IGHMBP2: variants seen among roughly 807,000 people sequenced by gnomAD.
IGHMBP2 encodes DNA-binding protein SMUBP-2.
IGHMBP2 carries 81 observed loss-of-function variants against 96.0 expected under a neutral mutation model. The ratio of observed to expected loss-of-function variants is 0.84; its 90% CI spans 0.71 to 1.01. IGHMBP2 has a LOEUF of 1.01. IGHMBP2 is among the 50% of genes least tolerant of loss of function. IGHMBP2 has a pLI of 0.00. For synonymous variants in IGHMBP2, 557 were observed against 548.9 expected (o/e 1.01, Z -0.21); for missense variants, 1,227 against 1,306.3 (o/e 0.94, Z 0.94).
intron 8 of IGHMBP2, chr11:68,933,009 G>GT: frequency 1.9e-6 from 1 of 520,142 alleles, no homozygotes; most frequent in Non-Finnish European, 3.5e-6. Flanking sequence ...AGACCCTTGG[G>GT]TTATCACCTG....
At chr11:68,912,429 C>A (rs932816813) in intron 5 of IGHMBP2, among the ~76,000 whole-genome samples, 2 of 152,040 alleles carry the variant, frequency 1.3e-5, no homozygotes, top group Admixed American at 1.3e-4. Context: ...TGTGCCCGGC[C>A]CAGTTACATT....
Position 68,911,532 on chromosome 11 carries a change from G to C in IGHMBP2, c.640G>C (p.Gly214Arg). ...TCAGAAAGAACTTGCCATCATCCATGGACCTCCTGGCACTGGGAAAACCAC... is the reference window on the plus strand; with the variant it reads ...TCAGAAAGAACTTGCCATCATCCATCGACCTCCTGGCACTGGGAAAACCAC... ...LSQKELAIIHGPPGTGKTTTV... is the reference protein window; with the variant it reads ...LSQKELAIIHRPPGTGKTTTV... The change falls in exon 5 of 15, where the codon GGA (glycine) becomes CGA (arginine). Residue 214 changes from glycine (G) to arginine (R), a missense_variant. Physicochemically the swap from Gly to Arg is moderately radical, Grantham distance 125 (BLOSUM62 -2). Coordinates refer to ENST00000255078, the MANE Select transcript of IGHMBP2 (RefSeq NM_002180.3). 2 of 1,614,072 alleles carry C rather than the reference G, an allele frequency of 1.2e-6. No homozygotes were observed. The highest frequency in any genetic ancestry group is 1.7e-6 in the Non-Finnish European group (2 of 1,179,918).
chr11:68,906,841 C>T (rs1317424578), intron 2 of IGHMBP2, among the ~76,000 whole-genome samples: 1 of 152,016 alleles, frequency 6.6e-6, no homozygotes, highest in Non-Finnish European at 1.5e-5. Context: ...GGGGTTTCTC[C>T]ATGTTGTTCA....
chr11:68,923,358 A>G (rs891772112), intron 7 of IGHMBP2, among the ~76,000 whole-genome samples: 2 of 152,076 alleles, frequency 1.3e-5, no homozygotes, highest in African/African-American at 4.8e-5. Context: ...ATGCGCTACC[A>G]TGCCCGGCTA....
chr11:68,930,994 T>C (rs755670097), intron 8 of IGHMBP2, among the ~76,000 whole-genome samples: 5 of 152,134 alleles, frequency 3.3e-5, no homozygotes, highest in Non-Finnish European at 7.4e-5. Context: ...AATTGGTCCA[T>C]GGGTGGCCAT....
At chr11:68,926,266 C>CTTTTTTTTTT (rs58973076) in intron 7 of IGHMBP2, 1 of 102,454 alleles carries the variant, frequency 9.8e-6, no homozygotes, top group African/African-American at 4.1e-5. Flanking sequence ...CTGTGTGGTG[C>CTTTTTTTTTT]TTTTTTTTTT....
At chr11:68,931,608 G>C (rs536915434) in intron 8 of IGHMBP2, among the ~76,000 whole-genome samples, 1 of 152,128 alleles carries the variant, frequency 6.6e-6, no homozygotes, top group Non-Finnish European at 1.5e-5. Context: ...CTCAGAAGGG[G>C]CGGGGCTCCC....
intron 4 of IGHMBP2, among the ~76,000 whole-genome samples, chr11:68,909,629 C>CTTT (rs764351899): frequency 7.2e-6 from 1 of 139,108 alleles, no homozygotes; most frequent in Admixed American, 7.2e-5. Flanking sequence ...TTGGAAAAAT[C>CTTT]TTTTTTTTTT....
At chr11:68,921,194 T>TC in intron 7 of IGHMBP2, among the ~76,000 whole-genome samples, 1 of 151,644 alleles carries the variant, frequency 6.6e-6, no homozygotes, top group Non-Finnish European at 1.5e-5. Flanking sequence ...TCTTTTTTTT[T>TC]TTACATAAGT....
At position 68,917,861 on chromosome 11, in the gene IGHMBP2, C is replaced by T. The variant is rs773013486; in HGVS notation, c.1038C>T (p.Asn346=). Reference sequence around the variant, plus strand: ...TGCTCGAGAGCCTCACTTCGGCAAACGTGGTCCTTGCAACAAACACAGGTG... The same window carrying T: ...TGCTCGAGAGCCTCACTTCGGCAAATGTGGTCCTTGCAACAAACACAGGTG... ...AAMLESLTSA[N]VVLATNTGAS... is the part of the protein sequence containing the mutation. The change falls in exon 7 of 15, where the codon AAC becomes AAT. Residue 346 remains asparagine, a synonymous_variant. Coordinates refer to ENST00000255078, the MANE Select transcript of IGHMBP2 (RefSeq NM_002180.3). 21 of 1,613,986 alleles carry T rather than the reference C, an allele frequency of 1.3e-5. No homozygotes were observed. The South Asian group carries it at 1.3e-4, about 10-fold the overall frequency.
intron 8 of IGHMBP2, among the ~76,000 whole-genome samples, chr11:68,930,828 C>G (rs1236758007): frequency 6.6e-6 from 1 of 152,190 alleles, no homozygotes; most frequent in Non-Finnish European, 1.5e-5. Flanking sequence ...TGGCTCCTCT[C>G]TGCAGGCAAG....
intron 1 of IGHMBP2, among the ~76,000 whole-genome samples, chr11:68,905,532 G>A (rs1368953458): frequency 6.6e-6 from 1 of 152,198 alleles, no homozygotes; most frequent in Non-Finnish European, 1.5e-5. Flanking sequence ...GGGCGAGCCT[G>A]GGAAGGGCCT....
chr11:68,911,362 G>C lies in IGHMBP2; in HGVS notation c.548-78G>C, dbSNP rs77120711. The C allele has an allele frequency of 2.4e-4, 356 of 1,466,792 alleles. 2 individuals are homozygous for C. In the East Asian group the frequency reaches 6.7e-3, roughly 27 times the overall value. 90.9% of individuals were successfully genotyped at this position (1,466,792 alleles called of 1,614,324 possible). On this transcript the variant is annotated intron_variant, in intron 4 of 14. Coordinates refer to ENST00000255078, the MANE Select transcript of IGHMBP2 (RefSeq NM_002180.3). ...CCTGACAGGCATCACTCATCCCCCG[G>C]GGCACACACTCTCTGAGGAGGAACA...
chr11:68,908,190 T>TG lies in IGHMBP2; in HGVS notation c.304dup (p.Ala102GlyfsTer18). On this transcript the variant is annotated frameshift_variant, in exon 3 of 15. Coordinates refer to ENST00000255078, the MANE Select transcript of IGHMBP2 (RefSeq NM_002180.3). LOFTEE classifies it high-confidence loss of function. The stretch of plus-strand genomic sequence containing the variant: ...GATGCTGCTAATGAGGGCAGTCAGC[T>TG]GGCCACTGGGATCTTGACCCGGGTC... The TG allele has an allele frequency of 6.2e-7, 1 of 1,614,126 alleles. No homozygotes were observed. The highest frequency in any genetic ancestry group is 8.5e-7 in the Non-Finnish European group (1 of 1,180,020).
At chr11:68,906,738 G>T (rs1858214417) in intron 2 of IGHMBP2, among the ~76,000 whole-genome samples, 1 of 151,348 alleles carries the variant, frequency 6.6e-6, no homozygotes, top group African/African-American at 2.4e-5. Context: ...CGCCTCCGGG[G>T]TTCAAGTGAT....
Position 68,935,330 on chromosome 11 carries a change from G to A in IGHMBP2, c.1664G>A (p.Arg555Lys), listed in dbSNP as rs2154008764. The A allele has an allele frequency of 3.1e-6, 5 of 1,614,170 alleles. No homozygotes were observed. Among genetic ancestry groups the A allele is most frequent in the Non-Finnish European group, 4.2e-6 (5 of 1,180,032 alleles). The change falls in exon 12 of 15, where the codon AGG becomes AAG. Residue 555 changes from arginine to lysine, a missense_variant. Arg to Lys is a conservative substitution (Grantham distance 26, BLOSUM62 2). This residue lies in a region of IGHMBP2 where 703 missense variants were observed against 770.3 expected (regional missense o/e 0.91). Coordinates refer to ENST00000255078, the MANE Select transcript of IGHMBP2 (RefSeq NM_002180.3). The stretch of plus-strand genomic sequence containing the variant: ...CTGCTCAGACAGAGCCTTGTGCACA[G>A]GCACCCTGAGCTTGAAATCAAGTCT... ...VDLLRQSLVHRHPELEIKSVD... is the reference protein window; with the variant it reads ...VDLLRQSLVHKHPELEIKSVD...
At chr11:68,913,043 CAAAAAAAAAAAAAAAA>C (rs71043469) in intron 5 of IGHMBP2, among the ~76,000 whole-genome samples, 1 of 37,468 alleles carries the variant, frequency 2.7e-5, no homozygotes, top group Admixed American at 3.8e-4. Context: ...ACTCCATCTC[CAAAAAAAAAAAAAAAA>C]AAAAAAAAAC....
At chr11:68,929,141 C>T (rs2154008232) in intron 7 of IGHMBP2, 42 bp from the exon 8 acceptor site, 2 of 1,594,644 alleles carry the variant, frequency 1.3e-6, no homozygotes, top group African/African-American at 1.3e-5. Context: ...TGTTGGGAAG[C>T]AGCTGTGCCC....
chr11:68,929,157 G>A (rs1433317618), intron 7 of IGHMBP2, 26 bp from the exon 8 acceptor site: 1 of 1,608,766 alleles, frequency 6.2e-7, no homozygotes, highest in Non-Finnish European at 8.5e-7. Context: ...TGCCCCTGGA[G>A]ACTCCCGGCT....
Sources: gnomAD v4.1 joint callset for allele counts (sites outside exome capture counted in the v4.1 genomes callset) on GRCh38, gnomAD v4.1.1 for gene constraint, gnomAD v4.1.1 regional missense constraint, MANE v1.5 for transcripts, NCBI Gene and HGNC (gene_info 2026-07-23, HGNC 2026-07-21) for gene names.